The following ANKH variants were observed in gnomAD, a reference collection of about 807,000 sequenced individuals.
The protein encoded by ANKH is mineralization regulator ANKH.
A neutral mutation model predicts 49.0 loss-of-function variants in ANKH; 15 were observed. The ratio of observed to expected loss-of-function variants is 0.31; its 90% CI spans 0.20 to 0.47. ANKH has a LOEUF of 0.47. Ranked by LOEUF, ANKH falls within the 20% of genes least tolerant of loss-of-function variation. The pLI, the probability that ANKH is intolerant of heterozygous loss-of-function variation, is 1.00. For missense variants in ANKH, 429 were observed against 652.0 expected (o/e 0.66, Z 3.72); for synonymous variants, 273 against 260.0 (o/e 1.05, Z -0.48).
chr5:14,865,365 C>T (rs1249272740), intron 1 of ANKH, among the ~76,000 whole-genome samples: 1 of 152,134 alleles, frequency 6.6e-6, no homozygotes, highest in Non-Finnish European at 1.5e-5. Flanking sequence ...CATTTTTTCA[C>T]ATTTAAAAAA....
At chr5:14,787,122 T>C (rs1740003540) in intron 1 of ANKH, among the ~76,000 whole-genome samples, 1 of 152,120 alleles carries the variant, frequency 6.6e-6, no homozygotes, top group African/African-American at 2.4e-5. Flanking sequence ...AAGACCAGCC[T>C]AACCAACATG....
chr5:14,780,421 T>C (rs1739771146), intron 1 of ANKH, among the ~76,000 whole-genome samples: 1 of 152,190 alleles, frequency 6.6e-6, no homozygotes, highest in Non-Finnish European at 1.5e-5. Context: ...CACATGCCTG[T>C]AGTCCCAGCT....
At chr5:14,813,719 A>C (rs1740952468) in intron 1 of ANKH, among the ~76,000 whole-genome samples, 1 of 152,172 alleles carries the variant, frequency 6.6e-6, no homozygotes, top group Non-Finnish European at 1.5e-5. Flanking sequence ...ATCCAGCTCC[A>C]GCTCTACCTC....
At chr5:14,762,395 G>A (rs2126501337) in intron 2 of ANKH, among the ~76,000 whole-genome samples, 1 of 152,286 alleles carries the variant, frequency 6.6e-6, no homozygotes, top group East Asian at 1.9e-4. Context: ...GCCTCCTTCA[G>A]CATCCAGGGC....
chr5:14,859,534 C>T (rs1237455732), intron 1 of ANKH, among the ~76,000 whole-genome samples: 4 of 152,180 alleles, frequency 2.6e-5, no homozygotes, highest in Non-Finnish European at 5.9e-5. Context: ...TGAAAAGCCA[C>T]TAAAATACTC....
chr5:14,712,937 C>T lies in ANKH; in HGVS notation c.1302G>A (p.Leu434=). Residue 434 remains leucine, a synonymous_variant, in exon 11 of 12, where the codon CTG becomes CTA. Coordinates refer to ENST00000284268, the MANE Select transcript of ANKH (RefSeq NM_054027.6). ...HGATLGVGSL[L]AGFVGESTMV... ...TGGTGGATTCTCCCACAAAGCCCGC[C>T]AGGAGGGAGCCCACGCCCAGGGTCG... 5 of 1,613,604 alleles carry T rather than the reference C, an allele frequency of 3.1e-6. No homozygotes were observed. Among genetic ancestry groups the T allele is most frequent in the Non-Finnish European group, 4.2e-6 (5 of 1,179,926 alleles).
intron 8 of ANKH, among the ~76,000 whole-genome samples, chr5:14,721,762 C>G (rs1221883447): frequency 6.6e-6 from 1 of 151,846 alleles, no homozygotes. Context: ...AACCCCATCT[C>G]TACTAAAAAT....
intron 1 of ANKH, among the ~76,000 whole-genome samples, chr5:14,769,423 T>C (rs533446076): frequency 1.3e-5 from 2 of 152,286 alleles, no homozygotes; most frequent in South Asian, 2.1e-4. Flanking sequence ...GTTAAAATAA[T>C]AGCAAAACAC....
intron 8 of ANKH, among the ~76,000 whole-genome samples, chr5:14,733,200 A>T (rs1738060173): frequency 1.3e-5 from 2 of 152,206 alleles, no homozygotes; most frequent in Admixed American, 6.5e-5. Context: ...GTTGTTTGCC[A>T]TATGTGCTGT....
intron 6 of ANKH, among the ~76,000 whole-genome samples, chr5:14,748,303 G>C (rs1440788330): frequency 6.6e-6 from 1 of 152,206 alleles, no homozygotes; most frequent in South Asian, 2.1e-4. Context: ...CTTTTTCCAG[G>C]AGAACATGAG....
intron 8 of ANKH, among the ~76,000 whole-genome samples, chr5:14,736,827 C>T (rs1020385182): frequency 6.6e-6 from 1 of 152,168 alleles, no homozygotes; most frequent in Non-Finnish European, 1.5e-5. Flanking sequence ...TGGAGAGATC[C>T]CATTTCCATT....
At chr5:14,719,082 G>A (rs891868039) in intron 8 of ANKH, among the ~76,000 whole-genome samples, 1 of 152,196 alleles carries the variant, frequency 6.6e-6, no homozygotes, top group Non-Finnish European at 1.5e-5. Flanking sequence ...GGGCCCATCC[G>A]GGGGAGGTGG....
At chr5:14,821,067 C>T (rs909055224) in intron 1 of ANKH, among the ~76,000 whole-genome samples, 1 of 150,026 alleles carries the variant, frequency 6.7e-6, no homozygotes, top group African/African-American at 2.5e-5. Flanking sequence ...CACTGTACTC[C>T]AGCCTGGGTG....
chr5:14,856,066 A>T (rs1400824319), intron 1 of ANKH, among the ~76,000 whole-genome samples: 2 of 151,964 alleles, frequency 1.3e-5, no homozygotes, highest in Admixed American at 1.3e-4. Context: ...CTGTAATCCC[A>T]GCACTTTCGG....
At chr5:14,726,928 G>A (rs910359425) in intron 8 of ANKH, among the ~76,000 whole-genome samples, 3 of 152,332 alleles carry the variant, frequency 2.0e-5, no homozygotes, top group Middle Eastern at 3.4e-3. Context: ...ACGTGTTCCC[G>A]ATACAGCACG....
chr5:14,789,732 G>A (rs377257505), intron 1 of ANKH, among the ~76,000 whole-genome samples: 2 of 151,654 alleles, frequency 1.3e-5, no homozygotes, highest in South Asian at 2.1e-4. Context: ...TCTCTCTCTC[G>A]ACAGGATCTC....
rs1736958398 is a variant in ANKH at position 14,706,779 on chromosome 5, T to C, written c.*4418A>G. 2 of 152,140 alleles carry C rather than the reference T, an allele frequency of 1.3e-5. No individual in the cohort carries two copies. Among genetic ancestry groups the C allele is most frequent in the African/African-American group, 2.4e-5 (1 of 41,408 alleles). The allele number at this position is 152,140 out of a possible 1,614,324, so 9.4% of individuals were successfully genotyped here. ...TTTTTTGCTGCTTCAATGACAGAAATAGAGATTCAAAATAACCACACAGAG... is the reference window on the plus strand; with the variant it reads ...TTTTTTGCTGCTTCAATGACAGAAACAGAGATTCAAAATAACCACACAGAG... On this transcript the variant is annotated 3_prime_UTR_variant, in exon 12 of 12. Coordinates refer to ENST00000284268, the MANE Select transcript of ANKH (RefSeq NM_054027.6).
intron 1 of ANKH, chr5:14,797,359 T>C: frequency 6.2e-7 from 1 of 1,610,534 alleles, no homozygotes; most frequent in Non-Finnish European, 8.5e-7. Flanking sequence ...CCAATTTTAC[T>C]TAAATCCTAG....
chr5:14,821,981 G>T (rs1234581084), intron 1 of ANKH, among the ~76,000 whole-genome samples: 1 of 152,134 alleles, frequency 6.6e-6, no homozygotes, highest in African/African-American at 2.4e-5. Context: ...TTTCCAGACA[G>T]TTCTGTCAAC....
Sources: gnomAD v4.1 joint callset for allele counts (sites outside exome capture counted in the v4.1 genomes callset) on GRCh38, gnomAD v4.1.1 for gene constraint, MANE v1.5 for transcripts, NCBI Gene and HGNC (gene_info 2026-07-23, HGNC 2026-07-21) for gene names.